The following ZFY variants were observed in gnomAD, a reference collection of about 807,000 sequenced individuals.
The protein encoded by ZFY is zinc finger Y-chromosomal protein.
For missense variants in ZFY, 113 were observed against 170.9 expected (o/e 0.66, Z 1.89); for synonymous variants, 47 against 55.8 (o/e 0.84, Z 0.71).
chrY:2,978,379 C>G, intron 7 of ZFY, among the ~76,000 whole-genome samples: 1 of 32,484 alleles, frequency 3.1e-5, no homozygotes, highest in Non-Finnish European at 7.6e-5. Context: ...GAAGAAGTAC[C>G]TAGGTTATTT....
rs13447361 is a variant in ZFY, at chrY:2,953,745, G to C, written c.-28-164G>C. Reference sequence around the variant, plus strand: ...TGATTTGATCTACCTGCCCTTTCCTGTCTTGTTGCAGCCCATGTATCCCTG... The same window carrying C: ...TGATTTGATCTACCTGCCCTTTCCTCTCTTGTTGCAGCCCATGTATCCCTG... On this transcript the variant is annotated intron_variant, in intron 1 of 7. Transcript: ENST00000155093. Among the ~76,000 whole-genome samples the C allele has an allele frequency of 0.018, 620 of 33,805 alleles. No homozygotes were observed. In the East Asian group the frequency reaches 0.46, roughly 25 times the overall value. 90.7% of individuals were successfully genotyped at this position (33,805 alleles called of 37,273 possible).
intron 1 of ZFY, among the ~76,000 whole-genome samples, chrY:2,943,432 G>A: frequency 2.9e-5 from 1 of 34,040 alleles, no homozygotes; most frequent in Non-Finnish European, 7.3e-5. Flanking sequence ...GATTACAGGC[G>A]TGTACCACCA....
intron 3 of ZFY, among the ~76,000 whole-genome samples, chrY:2,974,651 T>G: frequency 2.9e-5 from 1 of 33,989 alleles, no homozygotes; most frequent in Non-Finnish European, 7.3e-5. Flanking sequence ...TTTTCAGATC[T>G]TCAAGAACAT....
chrY:2,955,932 C>G (rs1242557995), intron 2 of ZFY, among the ~76,000 whole-genome samples: 12 of 31,967 alleles, frequency 3.8e-4, no homozygotes, highest in Non-Finnish European at 8.5e-4. Flanking sequence ...GCCTTTTGAT[C>G]TTTCCCTTTC....
At chrY:2,939,012 T>TATAC in intron 1 of ZFY, among the ~76,000 whole-genome samples, 1 of 19,332 alleles carries the variant, frequency 5.2e-5, no homozygotes, top group Admixed American at 4.6e-4. Flanking sequence ...TATATATATA[T>TATAC]ATATATATAT....
intron 3 of ZFY, among the ~76,000 whole-genome samples, chrY:2,971,495 C>T: frequency 3.0e-5 from 1 of 33,322 alleles, no homozygotes; most frequent in Non-Finnish European, 7.4e-5. Context: ...GTCCCCCTAC[C>T]TGCTGTATCC....
chrY:2,965,386 C>G, intron 3 of ZFY, among the ~76,000 whole-genome samples: 2 of 31,111 alleles, frequency 6.4e-5, no homozygotes, highest in African/African-American at 1.3e-4. Flanking sequence ...AACTCCTAGC[C>G]CCAAGTGATA....
intron 1 of ZFY, among the ~76,000 whole-genome samples, chrY:2,939,113 T>TAAA (rs2051233103): frequency 3.6e-5 from 1 of 27,739 alleles, no homozygotes; most frequent in African/African-American, 1.4e-4. Flanking sequence ...CAAACCTTTT[T>TAAA]AGATTCTTAA....
chrY:2,970,389 CTGTT>C (rs2051344322), intron 3 of ZFY, among the ~76,000 whole-genome samples: 1 of 33,254 alleles, frequency 3.0e-5, no homozygotes, highest in Non-Finnish European at 7.4e-5. Context: ...ATCAGGTAAA[CTGTT>C]TGTTTCTGAG....
chrY:2,944,613 T>C (rs2051255819), intron 1 of ZFY, among the ~76,000 whole-genome samples: 3 of 31,366 alleles, frequency 9.6e-5, no homozygotes, highest in South Asian at 1.5e-3. Flanking sequence ...TAAGGTTATG[T>C]TAAACTCACG....
At chrY:2,949,865 C>CA (rs2051273015) in intron 1 of ZFY, among the ~76,000 whole-genome samples, 1 of 29,638 alleles carries the variant, frequency 3.4e-5, no homozygotes, top group African/African-American at 1.3e-4. Context: ...AAAAGAACAC[C>CA]AAAAAAACCC....
At chrY:2,954,825 G>C (rs2051288451) in intron 2 of ZFY, among the ~76,000 whole-genome samples, 1 of 32,759 alleles carries the variant, frequency 3.1e-5, no homozygotes, top group African/African-American at 1.2e-4. Flanking sequence ...TCTTTTTGTT[G>C]CACAATGGAG....
intron 1 of ZFY, among the ~76,000 whole-genome samples, chrY:2,939,018 T>TATATAA (rs2051231225): frequency 5.2e-5 from 1 of 19,315 alleles, no homozygotes; most frequent in South Asian, 1.2e-3. Flanking sequence ...TATATATATA[T>TATATAA]ATATAAATAA....
At chrY:2,967,566 CT>C (rs368863893) in intron 3 of ZFY, among the ~76,000 whole-genome samples, 6 of 25,503 alleles carry the variant, frequency 2.4e-4, no homozygotes, top group Non-Finnish European at 4.7e-4. Context: ...ACGAATAAAA[CT>C]TTTTTTTTTT....
intron 3 of ZFY, among the ~76,000 whole-genome samples, chrY:2,964,324 CTTTAGAAAATTGCCA>C (rs2051319695): frequency 2.5e-4 from 8 of 32,572 alleles, no homozygotes; most frequent in Admixed American, 2.8e-4. Flanking sequence ...TCTGATTGGG[CTTTAGAAAATTGCCA>C]AAATGAAATG....
At chrY:2,965,137 CT>C (rs781713895) in intron 3 of ZFY, among the ~76,000 whole-genome samples, 4 of 22,244 alleles carry the variant, frequency 1.8e-4, no homozygotes, top group African/African-American at 3.5e-4. Flanking sequence ...AAGACCCACC[CT>C]TTTTTTTTTT....
chrY:2,950,549 T>C (rs754684639), intron 1 of ZFY, among the ~76,000 whole-genome samples: 1 of 33,900 alleles, frequency 2.9e-5, no homozygotes, highest in Non-Finnish European at 7.3e-5. Context: ...AGGAAGAAAT[T>C]GGCATTTGTA....
intron 5 of ZFY, among the ~76,000 whole-genome samples, chrY:2,976,029 C>G (rs770292941): frequency 3.1e-5 from 1 of 32,129 alleles, no homozygotes; most frequent in Admixed American, 2.9e-4. Context: ...TTTTTTATGG[C>G]TGCATAGTAT....
At chrY:2,951,740 A>G in intron 1 of ZFY, among the ~76,000 whole-genome samples, 1 of 32,793 alleles carries the variant, frequency 3.0e-5, no homozygotes, top group Non-Finnish European at 7.4e-5. Context: ...CTGAATGTGA[A>G]ACCTTGGACA....
Sources: gnomAD v4.1 joint callset for allele counts (sites outside exome capture counted in the v4.1 genomes callset) on GRCh38, gnomAD v4.1.1 for gene constraint, MANE v1.5 for transcripts, NCBI Gene and HGNC (gene_info 2026-07-23, HGNC 2026-07-21) for gene names.